The following PTPRD variants were observed in gnomAD, a reference collection of about 807,000 sequenced individuals.
PTPRD encodes receptor-type tyrosine-protein phosphatase delta.
Under a neutral mutation model 214.5 loss-of-function variants are expected in PTPRD, and 34 were observed. The ratio of observed to expected loss-of-function variants is 0.16; its 90% CI spans 0.12 to 0.21. PTPRD has a LOEUF of 0.21. Ranked by LOEUF, PTPRD falls within the 10% of genes least tolerant of loss-of-function variation. The pLI, the probability that PTPRD is intolerant of heterozygous loss-of-function variation, is 1.00. For synonymous variants in PTPRD, 1,128 were observed against 845.7 expected, an observed-to-expected ratio of 1.33 and a Z score of -5.79; for missense variants, 2,545 against 2,398.7, an observed-to-expected ratio of 1.06 and a Z score of -1.27.
At chr9:10,198,917 C>A (rs2099408554) in intron 3 of PTPRD, among the ~76,000 whole-genome samples, 2 of 152,064 alleles carry the variant, frequency 1.3e-5, no homozygotes, top group African/African-American at 4.8e-5. Context: ...TTAGGGGTCA[C>A]TTTTTTCAGA....
At chr9:8,435,067 T>C (rs1266734078) in intron 35 of PTPRD, among the ~76,000 whole-genome samples, 1 of 152,226 alleles carries the variant, frequency 6.6e-6, no homozygotes, top group Non-Finnish European at 1.5e-5. Context: ...ACAAAATCTT[T>C]GCATCCTATC....
chr9:8,943,885 C>CA lies in PTPRD; in HGVS notation c.-104+74811dup, dbSNP rs201785611. Reference sequence around the variant, plus strand: ...ACTCCAAAAGCACAAGCAACCAAAACAAAAAAGGGCAACTAGGATCACATC... The same window carrying CA: ...ACTCCAAAAGCACAAGCAACCAAAACAAAAAAAGGGCAACTAGGATCACATC... On this transcript the variant is annotated intron_variant, in intron 11 of 45. Transcript: ENST00000381196. Among the ~76,000 whole-genome samples, 505 of 151,686 alleles carry CA rather than the reference C, an allele frequency of 3.3e-3. 9 individuals are homozygous for CA. The highest frequency in any genetic ancestry group is 0.023 in the East Asian group (119 of 5,126).
At chr9:9,342,339 G>T (rs554102560) in intron 9 of PTPRD, among the ~76,000 whole-genome samples, 77 of 152,188 alleles carry the variant, frequency 5.1e-4, no homozygotes, top group African/African-American at 1.8e-3. Context: ...AAAAGAGGTG[G>T]AGAAGATGGG....
At chr9:10,467,047 T>C (rs1566257690) in intron 2 of PTPRD, among the ~76,000 whole-genome samples, 1 of 152,208 alleles carries the variant, frequency 6.6e-6, no homozygotes, top group Non-Finnish European at 1.5e-5. Flanking sequence ...CATCAACCTT[T>C]ATCCAATCCA....
chr9:10,189,813 C>T (rs1429134781), intron 3 of PTPRD, among the ~76,000 whole-genome samples: 1 of 151,942 alleles, frequency 6.6e-6, no homozygotes, highest in South Asian at 2.1e-4. Flanking sequence ...AACCAAGACT[C>T]AAAGAAGGAG....
chr9:10,086,302 T>C (rs1379212826), intron 3 of PTPRD, among the ~76,000 whole-genome samples: 4 of 151,758 alleles, frequency 2.6e-5, no homozygotes, highest in Non-Finnish European at 4.4e-5. Context: ...TACTATGCTG[T>C]CTGGGAGTCT....
intron 9 of PTPRD, among the ~76,000 whole-genome samples, chr9:9,291,858 G>A (rs998692860): frequency 1.3e-5 from 2 of 149,716 alleles, no homozygotes; most frequent in African/African-American, 4.9e-5. Context: ...ATATGTGTGT[G>A]TGTAATATGT....
chr9:10,550,168 C>T (rs1184977187), intron 2 of PTPRD, among the ~76,000 whole-genome samples: 1 of 152,212 alleles, frequency 6.6e-6, no homozygotes, highest in Non-Finnish European at 1.5e-5. Context: ...AATCAATTTC[C>T]TATAACTTTC....
intron 7 of PTPRD, among the ~76,000 whole-genome samples, chr9:9,651,865 C>T (rs373655382): frequency 3.4e-5 from 4 of 117,330 alleles, no homozygotes; most frequent in African/African-American, 1.3e-4. Flanking sequence ...AATGGAGTCT[C>T]GCTCTGTCAC....
chr9:8,731,294 G>A (rs2098655929), intron 12 of PTPRD, among the ~76,000 whole-genome samples: 1 of 152,126 alleles, frequency 6.6e-6, no homozygotes, highest in Admixed American at 6.5e-5. Flanking sequence ...CTTTTTCAAA[G>A]GAGGACAAAC....
intron 9 of PTPRD, among the ~76,000 whole-genome samples, chr9:9,347,066 C>T (rs1054214978): frequency 6.6e-6 from 1 of 152,094 alleles, no homozygotes; most frequent in Non-Finnish European, 1.5e-5. Context: ...CTTTGGGAAG[C>T]CAATGCAGGA....
At chr9:10,258,653 T>C (rs1413162033) in intron 3 of PTPRD, among the ~76,000 whole-genome samples, 1 of 152,224 alleles carries the variant, frequency 6.6e-6, no homozygotes, top group Non-Finnish European at 1.5e-5. Context: ...ACATCTTTTT[T>C]GGTATTGCCT....
intron 4 of PTPRD, among the ~76,000 whole-genome samples, chr9:10,028,357 A>G (rs1388599647): frequency 6.6e-6 from 1 of 152,190 alleles, no homozygotes; most frequent in African/African-American, 2.4e-5. Context: ...TGGTACCAGT[A>G]GAGTGGAGCG....
chr9:10,107,110 T>G (rs72694870), intron 3 of PTPRD, among the ~76,000 whole-genome samples: 7,976 of 151,966 alleles, frequency 0.052, 271 homozygotes, highest in Admixed American at 0.1. Flanking sequence ...GTGGGTTTCA[T>G]GGAAGAACAT....
At chr9:10,319,314 T>G (rs1213674910) in intron 3 of PTPRD, among the ~76,000 whole-genome samples, 2 of 152,112 alleles carry the variant, frequency 1.3e-5, no homozygotes, top group Admixed American at 1.3e-4. Flanking sequence ...AGTGCTCATT[T>G]CATACTGTGG....
chr9:10,509,134 T>C (rs1007612085), intron 2 of PTPRD, among the ~76,000 whole-genome samples: 14 of 152,074 alleles, frequency 9.2e-5, no homozygotes, highest in African/African-American at 3.4e-4. Flanking sequence ...GCACATATTA[T>C]ATATGCAGGT....
intron 2 of PTPRD, among the ~76,000 whole-genome samples, chr9:10,567,542 G>A (rs1566971589): frequency 6.6e-6 from 1 of 151,952 alleles, no homozygotes; most frequent in African/African-American, 2.4e-5. Flanking sequence ...TATTAGAGTG[G>A]GTGCTTATAG....
chr9:9,707,285 T>G (rs1042514348), intron 7 of PTPRD, among the ~76,000 whole-genome samples: 3 of 152,336 alleles, frequency 2.0e-5, no homozygotes, highest in East Asian at 1.9e-4. Flanking sequence ...AGAATATTTT[T>G]GGGCAGCCTA....
Position 10,351,185 on chromosome 9 carries a change from A to G in PTPRD, c.-599-10168T>C, listed in dbSNP as rs191463867. On this transcript the variant is annotated intron_variant, in intron 2 of 45. Coordinates refer to ENST00000381196, the MANE Select transcript of PTPRD (RefSeq NM_002839.4). Reference sequence around the variant, plus strand: ...TGTGACAAATGTGTTGAAGAAAAATATGCTTGCAAACTCAGTTGTAAATTT... The same window carrying G: ...TGTGACAAATGTGTTGAAGAAAAATGTGCTTGCAAACTCAGTTGTAAATTT... Among the ~76,000 whole-genome samples the G allele has an allele frequency of 1.8e-4, 28 of 152,284 alleles. No individual in the cohort carries two copies. In the East Asian group the frequency reaches 5.4e-3, roughly 29 times the overall value.
Sources: allele counts gnomAD v4.1 joint callset (sites outside exome capture counted in the v4.1 genomes callset), GRCh38; gene constraint gnomAD v4.1.1; transcripts MANE v1.5; gene names NCBI Gene and HGNC (gene_info 2026-07-23, HGNC 2026-07-21).